The following PLCE1 variants were observed in gnomAD, a reference collection of about 807,000 sequenced individuals.
PLCE1 encodes the protein phospholipase C epsilon 1, also known as 1-phosphatidylinositol 4,5-bisphosphate phosphodiesterase epsilon-1.
PLCE1 carries 119 observed loss-of-function variants against 242.8 expected under a neutral mutation model. The ratio of observed to expected loss-of-function variants is 0.49; its 90% CI spans 0.42 to 0.57. The LOEUF (loss-of-function observed/expected upper bound fraction) is 0.57. Ranked by LOEUF, PLCE1 falls within the 20% of genes least tolerant of loss-of-function variation. The pLI, the probability that PLCE1 is intolerant of heterozygous loss-of-function variation, is 0.00. For synonymous variants in PLCE1, 945 were observed against 1,017.4 expected (o/e 0.93, Z 1.35); for missense variants, 2,441 against 2,788.8 (o/e 0.88, Z 2.81).
chr10:94,302,235 TAAG>T, intron 24 of PLCE1, among the ~76,000 whole-genome samples: 1 of 152,260 alleles, frequency 6.6e-6, no homozygotes, highest in East Asian at 1.9e-4. Flanking sequence ...AGATTTCAGT[TAAG>T]AAACTGAGCA....
chr10:94,133,675 T>C (rs2046678096), intron 3 of PLCE1, among the ~76,000 whole-genome samples: 1 of 152,174 alleles, frequency 6.6e-6, no homozygotes, highest in Non-Finnish European at 1.5e-5. Flanking sequence ...GGGTGCCAAG[T>C]TGGTTTGTTT....
intron 4 of PLCE1, among the ~76,000 whole-genome samples, chr10:94,179,773 T>C (rs2136426896): frequency 6.6e-6 from 1 of 152,116 alleles, no homozygotes; most frequent in South Asian, 2.1e-4. Flanking sequence ...CCCAATGTGC[T>C]GGGATTTCAG....
intron 22 of PLCE1, chr10:94,286,843 G>A (rs1408690322): frequency 1.3e-5 from 2 of 152,186 alleles, no homozygotes; most frequent in East Asian, 3.8e-4. Context: ...CCCTTTACCT[G>A]TCAAAGAGCC....
At chr10:94,086,335 C>G (rs2044824720) in intron 2 of PLCE1, among the ~76,000 whole-genome samples, 1 of 152,140 alleles carries the variant, frequency 6.6e-6, no homozygotes, top group Non-Finnish European at 1.5e-5. Context: ...ATGGTATTGC[C>G]CAGCTTGACG....
intron 1 of PLCE1, among the ~76,000 whole-genome samples, chr10:93,998,459 C>T (rs932699690): frequency 6.6e-6 from 1 of 152,128 alleles, no homozygotes; most frequent in Non-Finnish European, 1.5e-5. Context: ...AGGTATAGAG[C>T]CTGGACACTC....
At chr10:94,326,041 C>G (rs115779357) in intron 32 of PLCE1, among the ~76,000 whole-genome samples, 2,808 of 152,248 alleles carry the variant, frequency 0.018, 29 homozygotes, top group South Asian at 0.041. Context: ...TACATGAGAC[C>G]TGAATAAAAG....
intron 14 of PLCE1, among the ~76,000 whole-genome samples, chr10:94,264,756 G>A (rs1241276573): frequency 1.3e-5 from 2 of 151,822 alleles, no homozygotes; most frequent in African/African-American, 2.4e-5. Flanking sequence ...TCCTGACCTC[G>A]TGATCCACCC....
At chr10:94,228,753 T>C (rs766672947) in intron 5 of PLCE1, among the ~76,000 whole-genome samples, 2 of 152,060 alleles carry the variant, frequency 1.3e-5, no homozygotes, top group Non-Finnish European at 2.9e-5. Flanking sequence ...GTCCTTGACA[T>C]TTAAAATAGT....
At position 94,306,347 on chromosome 10, in the gene PLCE1, G is replaced by A. The variant is rs2053205108; in HGVS notation, c.5623-80G>A. 3.1e-6 allele frequency: 5 copies of A among 1,611,354 alleles called. No individual in the cohort carries two copies. In the Admixed American group the frequency reaches 8.3e-5, roughly 27 times the overall value. ...CCAGTGTTCTTGGGATTCCTTTGCA[G>A]AGGGAAGCAGTGAGGTGCAGAGGTT... On this transcript the variant is annotated intron_variant, in intron 25 of 32. Coordinates refer to ENST00000371380, the MANE Select transcript of PLCE1 (RefSeq NM_016341.4). The surrounding 1 kb of genome is among the most constrained non-coding windows in gnomAD (Gnocchi z 5.7).
intron 8 of PLCE1, 106 bp from the exon 9 acceptor site, chr10:94,252,210 C>T (rs2050904061): frequency 2.1e-6 from 2 of 944,078 alleles, no homozygotes; most frequent in Non-Finnish European, 3.4e-6. Flanking sequence ...TCTTCTGTGG[C>T]CGTCTGTGCT....
At chr10:94,168,034 G>A (rs1240563879) in intron 3 of PLCE1, among the ~76,000 whole-genome samples, 5 of 152,074 alleles carry the variant, frequency 3.3e-5, no homozygotes, top group South Asian at 2.1e-4. Context: ...CAAACAATGA[G>A]GTGGATAATT....
intron 5 of PLCE1, among the ~76,000 whole-genome samples, chr10:94,230,505 A>C (rs891682068): frequency 2.0e-5 from 3 of 152,006 alleles, no homozygotes; most frequent in Admixed American, 2.0e-4. Context: ...TTGTATTTTT[A>C]GTAGAGATGG....
At chr10:94,258,745 A>G in intron 11 of PLCE1, 55 bp from the exon 12 acceptor site, 1 of 1,612,726 alleles carries the variant, frequency 6.2e-7, no homozygotes, top group African/African-American at 1.3e-5. Flanking sequence ...CTGGTGGGAC[A>G]GAATCACAAC....
chr10:94,212,799 TG>T (rs1268977772), intron 4 of PLCE1, among the ~76,000 whole-genome samples: 1 of 152,248 alleles, frequency 6.6e-6, no homozygotes, highest in African/African-American at 2.4e-5. Context: ...TGTTTCTGTC[TG>T]GGGTCTTTGG....
chr10:94,268,210 G>C (rs1439422520), intron 16 of PLCE1, among the ~76,000 whole-genome samples: 1 of 152,172 alleles, frequency 6.6e-6, no homozygotes, highest in Non-Finnish European at 1.5e-5. Flanking sequence ...CTTTGGTAGT[G>C]TTTTCTGGAG....
At chr10:94,167,423 G>A (rs771415389) in intron 3 of PLCE1, among the ~76,000 whole-genome samples, 4 of 152,094 alleles carry the variant, frequency 2.6e-5, no homozygotes, top group Non-Finnish European at 4.4e-5. Context: ...TTCCTAGGGT[G>A]TTCCATATGA....
At chr10:94,252,195 A>T in intron 8 of PLCE1, 121 bp from the exon 9 acceptor site, 3 of 839,140 alleles carry the variant, frequency 3.6e-6, no homozygotes, top group Non-Finnish European at 6.0e-6. Flanking sequence ...TGGCCAGATC[A>T]TTATTCTTCT....
intron 2 of PLCE1, among the ~76,000 whole-genome samples, chr10:94,095,961 A>G (rs1450132353): frequency 6.6e-6 from 1 of 152,174 alleles, no homozygotes; most frequent in African/African-American, 2.4e-5. Context: ...TCAGGCTACA[A>G]GGCAGATCTG....
intron 1 of PLCE1, among the ~76,000 whole-genome samples, chr10:93,997,177 C>G (rs1266347904): frequency 4.6e-5 from 7 of 152,158 alleles, no homozygotes; most frequent in Admixed American, 4.6e-4. Context: ...CAAAAAAGCT[C>G]TAAAAACTGT....
Sources: allele counts gnomAD v4.1 joint callset (sites outside exome capture counted in the v4.1 genomes callset), GRCh38; gene constraint gnomAD v4.1.1; non-coding constraint Gnocchi (gnomAD v3.1); transcripts MANE v1.5; gene names NCBI Gene and HGNC (gene_info 2026-07-23, HGNC 2026-07-21).